TJP3: variants seen among roughly 807,000 people sequenced by gnomAD.
TJP3 encodes tight junction protein 3.
TJP3 carries 85 observed loss-of-function variants against 104.2 expected under a neutral mutation model. That is an observed-to-expected ratio of 0.82 (90% confidence interval 0.68 to 0.98). TJP3 has a LOEUF of 0.98. Ranked by LOEUF, TJP3 falls within the 50% of genes least tolerant of loss-of-function variation. The pLI, the probability that TJP3 is intolerant of heterozygous loss-of-function variation, is 0.00. For missense variants in TJP3, 1,367 were observed against 1,322.8 expected, an observed-to-expected ratio of 1.03 and a Z score of -0.52; for synonymous variants, 550 against 550.6, an observed-to-expected ratio of 1.00 and a Z score of 0.02.
At chr19:3,732,628 G>C (rs7251340) in intron 6 of TJP3, among the ~76,000 whole-genome samples, 91,514 of 151,264 alleles carry the variant, frequency 0.6, 28,156 homozygotes, top group Admixed American at 0.74. Flanking sequence ...TCCTGCCTTA[G>C]CCTCCCGAGT....
At chr19:3,723,752 C>G (rs541153103) in intron 1 of TJP3, among the ~76,000 whole-genome samples, 33 of 148,530 alleles carry the variant, frequency 2.2e-4, no homozygotes, top group Non-Finnish European at 3.6e-4. Context: ...GAGATTGTGT[C>G]ACTACACTCC....
chr19:3,725,890 G>A (rs975152252), intron 1 of TJP3, among the ~76,000 whole-genome samples: 2 of 152,162 alleles, frequency 1.3e-5, no homozygotes, highest in African/African-American at 2.4e-5. Flanking sequence ...TAGCTAGCAC[G>A]GGTGGGCAGA....
chr19:3,728,827 C>G, intron 3 of TJP3, 114 bp downstream of exon 3: 1 of 1,121,198 alleles, frequency 8.9e-7, no homozygotes, highest in Non-Finnish European at 1.3e-6. Context: ...CTGAAGTGGG[C>G]GGATCACCTG....
chr19:3,746,158 A>T lies in TJP3; in HGVS notation c.2010+77A>T. On this transcript the variant is annotated intron_variant, in intron 16 of 20. Transcript: ENST00000541714. The surrounding 1 kb of genome is among the most constrained non-coding windows in gnomAD (Gnocchi z 4.1). ...CCTGGGCATCCAACTGAATGTCCTGACCTGTTCTCAGCCCACACCCCACAA... is the reference window on the plus strand; with the variant it reads ...CCTGGGCATCCAACTGAATGTCCTGTCCTGTTCTCAGCCCACACCCCACAA... The T allele has an allele frequency of 2.9e-6, 4 of 1,398,180 alleles. No homozygotes were observed. Among genetic ancestry groups the T allele is most frequent in the Non-Finnish European group, 4.0e-6 (4 of 1,007,024 alleles). 86.6% of individuals were successfully genotyped at this position (1,398,180 alleles called of 1,614,324 possible). A position where few individuals can be genotyped will look rare whatever the true frequency, so the allele number is the denominator to read the frequency against.
chr19:3,734,343 C>G lies in TJP3; in HGVS notation c.894C>G (p.Ala298=). 6.2e-7 allele frequency: 1 copy of G among 1,613,866 alleles called. No individual in the cohort carries two copies. Among genetic ancestry groups the G allele is most frequent in the Middle Eastern group, 1.6e-4 (1 of 6,062 alleles). ...CCCCTGCAGACATCTCGGACCTCGC[C>G]TCGGAGCTATCGCAGGCACCACCAT... ...SSPLEDISDL[A]SELSQAPPSH... The change falls in exon 8 of 21, where the codon GCC becomes GCG. Residue 298 remains alanine (A), a synonymous_variant. Transcript: ENST00000541714.
At chr19:3,718,411 C>T (rs914576805) in intron 1 of TJP3, among the ~76,000 whole-genome samples, 11 of 141,620 alleles carry the variant, frequency 7.8e-5, no homozygotes, top group African/African-American at 2.9e-4. Context: ...ACGCTGAAGT[C>T]AGAAAGCCTG....
intron 1 of TJP3, among the ~76,000 whole-genome samples, chr19:3,725,001 C>T (rs1432602539): frequency 1.3e-5 from 2 of 152,170 alleles, no homozygotes; most frequent in Non-Finnish European, 2.9e-5. Context: ...TGGCTCACGC[C>T]TGTAATTCCA....
chr19:3,731,898 A>G (rs766790669), intron 5 of TJP3, 37 bp from the exon 6 acceptor site: 3 of 1,587,318 alleles, frequency 1.9e-6, no homozygotes, highest in South Asian at 2.3e-5. Flanking sequence ...ACCCGTCTCC[A>G]GAGTCCTGCC....
intron 15 of TJP3, among the ~76,000 whole-genome samples, chr19:3,745,549 A>G (rs1437971603): frequency 6.6e-6 from 1 of 152,120 alleles, no homozygotes; most frequent in African/African-American, 2.4e-5. Context: ...ACTTTGCACG[A>G]TCCAGGAGGG....
chr19:3,714,201 C>T (rs1017451888), intron 1 of TJP3, among the ~76,000 whole-genome samples: 1 of 152,052 alleles, frequency 6.6e-6, no homozygotes, highest in Non-Finnish European at 1.5e-5. Context: ...AGCAGCCCGC[C>T]GCCACACCCG....
rs1161070343 is a variant in TJP3, at chr19:3,728,467, C to G, written c.35C>G (p.Ala12Gly). The change falls in exon 2 of 21, where the codon GCC (alanine) becomes GGC (glycine). Residue 12 changes from alanine to glycine, a missense_variant. By Grantham distance (60) the Ala-to-Gly change is moderately conservative. Transcript: ENST00000541714. ...EELTIWEQHT[A>G]TLSKDPRRGF... Reference sequence around the variant, plus strand: ...CTGACCATCTGGGAACAGCACACGGCCACACTGTCCAAGGTGAGGCCTCCC... The same window carrying G: ...CTGACCATCTGGGAACAGCACACGGGCACACTGTCCAAGGTGAGGCCTCCC... 1 of 1,612,358 alleles carries G rather than the reference C, an allele frequency of 6.2e-7. No homozygotes were observed. The highest frequency in any genetic ancestry group is 1.3e-5 in the African/African-American group (1 of 74,950).
intron 13 of TJP3, among the ~76,000 whole-genome samples, chr19:3,739,851 C>T (rs1360922538): frequency 6.6e-6 from 1 of 152,062 alleles, no homozygotes; most frequent in African/African-American, 2.4e-5. Context: ...TGACTCTCAC[C>T]CTCCCGCCTC....
Position 3,730,276 on chromosome 19 carries a change from C to G in TJP3, c.262-79C>G. 1 of 1,483,024 alleles carries G rather than the reference C, an allele frequency of 6.7e-7. No individual in the cohort carries two copies. The highest frequency in any genetic ancestry group is 2.4e-5 in the East Asian group (1 of 41,144). 91.9% of individuals were successfully genotyped at this position (1,483,024 alleles called of 1,614,324 possible). A position where few individuals can be genotyped will look rare whatever the true frequency, so the allele number is the denominator to read the frequency against. On this transcript the variant is annotated intron_variant, in intron 4 of 20. Coordinates refer to ENST00000541714, the MANE Select transcript of TJP3 (RefSeq NM_001267560.2). The surrounding 1 kb of genome is among the most constrained non-coding windows in gnomAD (Gnocchi z 7.3). ...AGGCCCAGAGAGAGACTGGTGTCCCCCAGGGCCACCCGGGGGCTGAGCAGA... is the reference window on the plus strand; with the variant it reads ...AGGCCCAGAGAGAGACTGGTGTCCCGCAGGGCCACCCGGGGGCTGAGCAGA...
chr19:3,735,621 C>T lies in TJP3; in HGVS notation c.1042C>T (p.Pro348Ser). The T allele has an allele frequency of 1.2e-6, 2 of 1,614,214 alleles. No homozygotes were observed. The highest frequency in any genetic ancestry group is 1.7e-6 in the Non-Finnish European group (2 of 1,180,036). ...SSVDSRTISE[P>S]DEQRSELPRE... ...AGTAGATTCCAGAACCATCTCGGAA[C>T]CAGATGAGCAACGGTCAGGTGGGTG... Residue 348 changes from proline (P) to serine (S), a missense_variant, in exon 9 of 21, where the codon CCA becomes TCA. Physicochemically the swap from Pro to Ser is moderately conservative, Grantham distance 74. Transcript: ENST00000541714.
Position 3,746,005 on chromosome 19 carries a change from C to A in TJP3, c.1940-6C>A. 1 of 1,600,818 alleles carries A rather than the reference C, an allele frequency of 6.2e-7. No individual in the cohort carries two copies. The highest frequency in any genetic ancestry group is 2.2e-5 in the East Asian group (1 of 44,512). On this transcript the variant is annotated splice_polypyrimidine_tract_variant and splice_region_variant and intron_variant, in intron 15 of 20. Coordinates refer to ENST00000541714, the MANE Select transcript of TJP3 (RefSeq NM_001267560.2). This position sits in a 1 kb window ranked among gnomAD's most constrained non-coding sequence, Gnocchi z 4.1. Reference sequence around the variant, plus strand: ...TGAAGCTGCTGGTCCTCTCTGCCGTCCACAGAGACTGTGTCCAGGACCGAC... The same window carrying A: ...TGAAGCTGCTGGTCCTCTCTGCCGTACACAGAGACTGTGTCCAGGACCGAC...
In TJP3 at chr19:3,739,130, A is replaced by G. The variant is rs767177741; in HGVS notation, c.1627A>G (p.Ser543Gly). 24 of 1,549,896 alleles carry G rather than the reference A, an allele frequency of 1.5e-5. No homozygotes were observed. The African/African-American group carries it at 2.7e-4, about 17-fold the overall frequency. ...EQERGIIPNQ[S>G]RAEQLASLEA... ...AGAGCGGGGCATCATTCCCAACCAG[A>G]GCAGGTGGGGACTGTGTGCTCCTGC... The change falls in exon 13 of 21, where the codon AGC becomes GGC. Residue 543 changes from serine to glycine, a missense_variant. Coordinates refer to ENST00000541714, the MANE Select transcript of TJP3 (RefSeq NM_001267560.2).
chr19:3,750,492 CACT>C (rs1451684090), intron 20 of TJP3, 87 bp from the exon 21 acceptor site: 1 of 1,120,264 alleles, frequency 8.9e-7, no homozygotes, highest in Non-Finnish European at 1.3e-6. Context: ...TGCCCACACC[CACT>C]GTGCCTAGCA....
chr19:3,731,176 A>G (rs1418881689), intron 5 of TJP3, among the ~76,000 whole-genome samples: 1 of 152,204 alleles, frequency 6.6e-6, no homozygotes, highest in Non-Finnish European at 1.5e-5. Context: ...CTTGGGGCCC[A>G]GAACCATTTT....
At chr19:3,710,886 C>T (rs1477039177) in intron 1 of TJP3, among the ~76,000 whole-genome samples, 8 of 152,030 alleles carry the variant, frequency 5.3e-5, no homozygotes, top group Non-Finnish European at 1.2e-4. Context: ...GCGTGAGAGG[C>T]GCTTTGTAAC....
Sources: gnomAD v4.1 joint callset for allele counts (sites outside exome capture counted in the v4.1 genomes callset) on GRCh38, gnomAD v4.1.1 for gene constraint, Gnocchi (gnomAD v3.1) non-coding constraint, MANE v1.5 for transcripts, NCBI Gene and HGNC (gene_info 2026-07-23, HGNC 2026-07-21) for gene names.